MNAT1: variants seen among roughly 807,000 people sequenced by gnomAD.
The protein encoded by MNAT1 is MNAT1 component of CDK activating kinase, also known as CDK-activating kinase assembly factor MAT1.
A neutral mutation model predicts 42.0 loss-of-function variants in MNAT1; 43 were observed. The observed-to-expected ratio is 1.02, with a 90% CI of 0.80 to 1.32. The LOEUF is 1.32. MNAT1 is among the 40% of genes most tolerant of loss of function. MNAT1 has a pLI of 0.00. For synonymous variants in MNAT1, 118 were observed against 120.0 expected (o/e 0.98, Z 0.11); for missense variants, 306 against 350.4 (o/e 0.87, Z 1.01).
chr14:60,831,557 T>G (rs1594785624), intron 6 of MNAT1, among the ~76,000 whole-genome samples: 2 of 152,240 alleles, frequency 1.3e-5, no homozygotes, highest in East Asian at 1.9e-4. Flanking sequence ...CGTGCCACAT[T>G]TTCTTCATCC....
chr14:60,782,619 A>C (rs1013112637), intron 1 of MNAT1, among the ~76,000 whole-genome samples: 2 of 152,198 alleles, frequency 1.3e-5, no homozygotes, highest in African/African-American at 4.8e-5. Flanking sequence ...TTGAGAGTGT[A>C]CTATGTGTCT....
At chr14:60,805,096 G>A (rs1018181486) in intron 3 of MNAT1, among the ~76,000 whole-genome samples, 3 of 152,024 alleles carry the variant, frequency 2.0e-5, no homozygotes, top group Admixed American at 6.6e-5. Context: ...AATTATAAAG[G>A]TTATTTTAGT....
At chr14:60,793,863 A>G (rs967242319) in intron 1 of MNAT1, among the ~76,000 whole-genome samples, 1 of 152,152 alleles carries the variant, frequency 6.6e-6, no homozygotes, top group East Asian at 1.9e-4. Context: ...AAGAAAAAAT[A>G]TTCTTTTCAC....
intron 1 of MNAT1, among the ~76,000 whole-genome samples, chr14:60,791,976 G>A (rs1784884328): frequency 6.6e-6 from 1 of 152,036 alleles, no homozygotes; most frequent in South Asian, 2.1e-4. Flanking sequence ...CTAATATTTT[G>A]TTCATCTTCT....
intron 7 of MNAT1, among the ~76,000 whole-genome samples, chr14:60,897,494 G>C (rs751113800): frequency 1.2e-4 from 18 of 151,930 alleles, no homozygotes; most frequent in Non-Finnish European, 2.1e-4. Flanking sequence ...ATGACATGTT[G>C]TGACATTTTT....
At chr14:60,809,012 G>A (rs960922231) in intron 4 of MNAT1, 2 of 152,038 alleles carry the variant, frequency 1.3e-5, no homozygotes, top group African/African-American at 2.4e-5. Flanking sequence ...TTGATCTCAT[G>A]TTGAAGTTTG....
At chr14:60,850,205 A>G (rs542954163) in intron 6 of MNAT1, among the ~76,000 whole-genome samples, 5 of 152,278 alleles carry the variant, frequency 3.3e-5, no homozygotes, top group Admixed American at 2.0e-4. Context: ...TTATTTCTGT[A>G]TTATTGATTT....
chr14:60,913,649 G>C (rs2035440494), intron 7 of MNAT1, among the ~76,000 whole-genome samples: 1 of 152,114 alleles, frequency 6.6e-6, no homozygotes, highest in Non-Finnish European at 1.5e-5. Context: ...GTGGATATTG[G>C]TGAACCGCAA....
chr14:60,962,985 T>C (rs71416080), intron 7 of MNAT1, among the ~76,000 whole-genome samples: 4 of 152,108 alleles, frequency 2.6e-5, no homozygotes, highest in African/African-American at 9.7e-5. Flanking sequence ...ATGTTTTTTG[T>C]TTTTTGTTTT....
intron 1 of MNAT1, among the ~76,000 whole-genome samples, chr14:60,776,889 C>A (rs1359736180): frequency 6.6e-6 from 1 of 152,114 alleles, no homozygotes. Context: ...CTCTCTTTGC[C>A]TAGGCTGGAG....
chr14:60,934,850 T>G (rs2035961324), intron 7 of MNAT1, among the ~76,000 whole-genome samples: 1 of 152,198 alleles, frequency 6.6e-6, no homozygotes, highest in Admixed American at 6.5e-5. Context: ...TCTCCCACAT[T>G]TAAATGCTCT....
At chr14:60,874,749 A>G (rs186004907) in intron 6 of MNAT1, among the ~76,000 whole-genome samples, 42 of 152,254 alleles carry the variant, frequency 2.8e-4, no homozygotes, top group African/African-American at 1.0e-3. Flanking sequence ...AATAATATCT[A>G]TCACCCTTAC....
intron 1 of MNAT1, among the ~76,000 whole-genome samples, chr14:60,753,013 C>G (rs1239113789): frequency 6.6e-6 from 1 of 152,250 alleles, no homozygotes; most frequent in African/African-American, 2.4e-5. Flanking sequence ...GACCCACCCA[C>G]CTTGGCCTCC....
At chr14:60,951,625 C>G (rs995402764) in intron 7 of MNAT1, among the ~76,000 whole-genome samples, 1 of 152,078 alleles carries the variant, frequency 6.6e-6, no homozygotes, top group African/African-American at 2.4e-5. Context: ...CGTATGGCAG[C>G]TATTCCTTTC....
At chr14:60,747,078 C>T (rs764934455) in intron 1 of MNAT1, among the ~76,000 whole-genome samples, 21 of 149,070 alleles carry the variant, frequency 1.4e-4, no homozygotes, top group Non-Finnish European at 3.0e-4. Context: ...CTCTGCCTCC[C>T]AGGTTCACGC....
intron 7 of MNAT1, among the ~76,000 whole-genome samples, chr14:60,907,405 C>T (rs2035224032): frequency 7.2e-6 from 1 of 138,954 alleles, no homozygotes; most frequent in Admixed American, 7.9e-5. Flanking sequence ...TGCACTCCAG[C>T]CTGTGTGACA....
chr14:60,912,332 A>G (rs2035390053), intron 7 of MNAT1, among the ~76,000 whole-genome samples: 2 of 151,926 alleles, frequency 1.3e-5, no homozygotes, highest in Admixed American at 6.6e-5. Flanking sequence ...TTTAAGGTTA[A>G]TATTGTTATG....
intron 3 of MNAT1, among the ~76,000 whole-genome samples, chr14:60,807,897 G>A (rs902596555): frequency 2.0e-5 from 3 of 151,830 alleles, no homozygotes; most frequent in African/African-American, 7.3e-5. Flanking sequence ...GATAAAACCT[G>A]TTTTTTGTTT....
intron 7 of MNAT1, among the ~76,000 whole-genome samples, chr14:60,916,029 G>T (rs4151351): frequency 6.6e-6 from 1 of 152,032 alleles, no homozygotes; most frequent in Non-Finnish European, 1.5e-5. Context: ...TTCTTGGAGC[G>T]CTGTGGTAAC....
Sources: gnomAD v4.1 joint callset for allele counts (sites outside exome capture counted in the v4.1 genomes callset) on GRCh38, gnomAD v4.1.1 for gene constraint, MANE v1.5 for transcripts, NCBI Gene and HGNC (gene_info 2026-07-23, HGNC 2026-07-21) for gene names.